The following IPO11 variants were observed in gnomAD, a reference collection of about 807,000 sequenced individuals.
The protein encoded by IPO11 is importin 11, also known as importin-11.
Under a neutral mutation model 143.2 loss-of-function variants are expected in IPO11, and 66 were observed. The observed-to-expected ratio is 0.46, with a 90% CI of 0.38 to 0.57. The LOEUF is 0.57. Among genes scored for constraint, IPO11 ranks in the 20% least tolerant of loss-of-function variants. The pLI, the probability that IPO11 is intolerant of heterozygous loss-of-function variation, is 0.00. For synonymous variants in IPO11, 385 were observed against 377.8 expected, an observed-to-expected ratio of 1.02 and a Z score of -0.22; for missense variants, 1,026 against 1,141.0, an observed-to-expected ratio of 0.90 and a Z score of 1.45.
chr5:62,589,372 CCTT>C (rs1744927826), intron 27 of IPO11, among the ~76,000 whole-genome samples: 1 of 152,132 alleles, frequency 6.6e-6, no homozygotes, highest in Non-Finnish European at 1.5e-5. Flanking sequence ...TCATCATCTT[CCTT>C]CTTATGTCTT....
chr5:62,486,607 A>G (rs1025840841), intron 12 of IPO11, among the ~76,000 whole-genome samples: 1 of 152,216 alleles, frequency 6.6e-6, no homozygotes, highest in Non-Finnish European at 1.5e-5. Context: ...TTGCACTTAC[A>G]TAATTTACAT....
chr5:62,418,082 C>G (rs868633269), intron 1 of IPO11, among the ~76,000 whole-genome samples: 1 of 152,142 alleles, frequency 6.6e-6, no homozygotes, highest in Non-Finnish European at 1.5e-5. Flanking sequence ...CCTCTGCCTC[C>G]CAAGTTCGAG....
chr5:62,598,677 TG>T (rs1197017329), intron 28 of IPO11, among the ~76,000 whole-genome samples: 1 of 150,610 alleles, frequency 6.6e-6, no homozygotes, highest in Non-Finnish European at 1.5e-5. Context: ...CCCGAGTAGC[TG>T]GGATTACAGG....
intron 16 of IPO11, among the ~76,000 whole-genome samples, chr5:62,502,282 A>T (rs946097010): frequency 4.6e-5 from 7 of 152,152 alleles, no homozygotes; most frequent in African/African-American, 1.7e-4. Flanking sequence ...TCACAGTAGA[A>T]ATGTGTTAGA....
intron 22 of IPO11, among the ~76,000 whole-genome samples, chr5:62,532,589 C>T (rs950311389): frequency 2.0e-5 from 3 of 152,132 alleles, no homozygotes; most frequent in Non-Finnish European, 4.4e-5. Flanking sequence ...AACTCCTGGC[C>T]TAATGTGATC....
At chr5:62,596,268 C>CAAAAAAAAAA (rs71608515) in intron 28 of IPO11, among the ~76,000 whole-genome samples, 154 of 95,450 alleles carry the variant, frequency 1.6e-3, no homozygotes, top group African/African-American at 3.3e-3. Flanking sequence ...GGCCCTGTCT[C>CAAAAAAAAAA]AAAAAAAAAA....
At chr5:62,443,282 A>T in intron 3 of IPO11, 199 bp downstream of exon 3, 1 of 442,800 alleles carries the variant, frequency 2.3e-6, no homozygotes, top group Non-Finnish European at 4.0e-6. Flanking sequence ...TTGATATTTA[A>T]AAAAAATGCA....
chr5:62,541,803 A>G (rs980388457), intron 24 of IPO11, among the ~76,000 whole-genome samples: 10 of 152,206 alleles, frequency 6.6e-5, no homozygotes, highest in African/African-American at 2.4e-4. Flanking sequence ...CATATCAAAA[A>G]TCTATAGTCA....
intron 29 of IPO11, among the ~76,000 whole-genome samples, chr5:62,612,671 T>C (rs1336487727): frequency 6.6e-6 from 1 of 152,222 alleles, no homozygotes; most frequent in East Asian, 1.9e-4. Context: ...AGTGAGTTGA[T>C]AAGTATTTTT....
intron 26 of IPO11, among the ~76,000 whole-genome samples, chr5:62,555,663 T>C (rs1229824899): frequency 1.3e-5 from 2 of 151,650 alleles, no homozygotes; most frequent in African/African-American, 4.8e-5. Context: ...GCCACCACGC[T>C]CTGCTAATTT....
At chr5:62,416,759 CTG>C (rs1441171500) in intron 1 of IPO11, among the ~76,000 whole-genome samples, 2 of 146,618 alleles carry the variant, frequency 1.4e-5, no homozygotes, top group East Asian at 4.0e-4. Context: ...AGTACTCACT[CTG>C]TTTCTCAGGC....
At chr5:62,607,584 G>T (rs1048973448) in intron 29 of IPO11, among the ~76,000 whole-genome samples, 2 of 152,082 alleles carry the variant, frequency 1.3e-5, no homozygotes, top group South Asian at 2.1e-4. Flanking sequence ...CAAATAATAT[G>T]AGAATAATTC....
intron 24 of IPO11, among the ~76,000 whole-genome samples, chr5:62,546,141 A>T (rs917733048): frequency 6.6e-6 from 1 of 152,202 alleles, no homozygotes; most frequent in African/African-American, 2.4e-5. Context: ...ATAAAGACAC[A>T]TGCACACGTA....
intron 2 of IPO11, among the ~76,000 whole-genome samples, chr5:62,440,201 G>A (rs945349665): frequency 1.3e-5 from 2 of 152,144 alleles, no homozygotes; most frequent in South Asian, 4.1e-4. Flanking sequence ...TGCATGTTTT[G>A]TAATGGAGAC....
At chr5:62,470,891 A>G (rs1166842799) in intron 7 of IPO11, among the ~76,000 whole-genome samples, 2 of 119,348 alleles carry the variant, frequency 1.7e-5, no homozygotes, top group African/African-American at 6.5e-5. Context: ...GCAGTGGTGC[A>G]GTCTTGGGTC....
In IPO11 at chr5:62,483,106, G is replaced by A; in HGVS notation, c.834G>A (p.Leu278=). 6.4e-7 allele frequency: 1 copy of A among 1,569,166 alleles called. No individual in the cohort carries two copies. Among genetic ancestry groups the A allele is most frequent in the Non-Finnish European group, 8.7e-7 (1 of 1,150,700 alleles). The change falls in exon 10 of 30, where the codon TTG becomes TTA. Residue 278 remains leucine (L), a synonymous_variant. Coordinates refer to ENST00000325324, the MANE Select transcript of IPO11 (RefSeq NM_016338.5). The part of the protein sequence containing the change: ...KTIILFTKVL[L]DFLDQHPFSF... ...ATTTATTTATTTTTCTACAGCTTTT[G>A]GACTTCTTGGATCAGCATCCTTTTT...
At chr5:62,590,218 A>AT (rs368005880) in intron 27 of IPO11, among the ~76,000 whole-genome samples, 22 of 151,008 alleles carry the variant, frequency 1.5e-4, no homozygotes, top group Admixed American at 4.6e-4. Flanking sequence ...GTGGAAAACT[A>AT]TTTTTTTTTA....
intron 27 of IPO11, among the ~76,000 whole-genome samples, chr5:62,589,567 C>T (rs1443467430): frequency 6.6e-6 from 1 of 152,206 alleles, no homozygotes; most frequent in Non-Finnish European, 1.5e-5. Flanking sequence ...ACCCCTTTCT[C>T]TTTATTCCCA....
At chr5:62,511,072 A>G (rs1354342317) in intron 19 of IPO11, among the ~76,000 whole-genome samples, 1 of 152,174 alleles carries the variant, frequency 6.6e-6, no homozygotes, top group Admixed American at 6.5e-5. Context: ...TTATAGCATT[A>G]ATTTTAATTT....
Sources: allele counts gnomAD v4.1 joint callset (sites outside exome capture counted in the v4.1 genomes callset), GRCh38; gene constraint gnomAD v4.1.1; transcripts MANE v1.5; gene names NCBI Gene and HGNC (gene_info 2026-07-23, HGNC 2026-07-21).